The following WWOX variants were observed in gnomAD, a reference collection of about 807,000 sequenced individuals.
WWOX encodes the protein WW domain containing oxidoreductase, also known as WW domain-containing oxidoreductase.
Under a neutral mutation model 46.2 loss-of-function variants are expected in WWOX, and 69 were observed. That is an observed-to-expected ratio of 1.49 (90% CI 1.23 to 1.82). The LOEUF is 1.82. Ranked by LOEUF, WWOX falls within the 40% of genes most tolerant of loss-of-function variation. The probability of loss-of-function intolerance (pLI) is 0.00; values close to 1 mark genes in which losing one functional copy is unlikely to be tolerated. For missense variants in WWOX, 919 were observed against 542.6 expected (o/e 1.69, Z -6.89); for synonymous variants, 359 against 202.6 (o/e 1.77, Z -6.56).
intron 8 of WWOX, among the ~76,000 whole-genome samples, chr16:78,637,675 G>GA (rs2046607261): frequency 1.3e-5 from 2 of 152,216 alleles, no homozygotes. Context: ...GCTCCTTGAT[G>GA]AAGGGCTCAG....
At chr16:78,261,025 A>G (rs2079219509) in intron 5 of WWOX, among the ~76,000 whole-genome samples, 1 of 151,368 alleles carries the variant, frequency 6.6e-6, no homozygotes, top group African/African-American at 2.4e-5. Context: ...TTGATTCATA[A>G]ATATTTGGTT....
Position 78,104,231 on chromosome 16 carries a change from A to AACACACACACACACACACACAC in WWOX, c.108-4173_108-4152dup, listed in dbSNP as rs376622174. ...CCCTGCTAACTTACACTGTGCTCAAAACACACACACACACACACACACACA... is the reference window on the plus strand; with the variant it reads ...CCCTGCTAACTTACACTGTGCTCAAAACACACACACACACACACACACACACACACACACACACACACACACA... On this transcript the variant is annotated intron_variant, in intron 1 of 8. Coordinates refer to ENST00000566780, the MANE Select transcript of WWOX (RefSeq NM_016373.4). 8.9e-4 allele frequency among the ~76,000 whole-genome samples: 116 copies of AACACACACACACACACACACAC among 130,216 alleles called. 1 individual carries two copies. The highest frequency in any genetic ancestry group is 2.6e-3 in the African/African-American group (89 of 34,060). 85.4% of individuals were successfully genotyped at this position (130,216 alleles called of 152,430 possible).
intron 5 of WWOX, among the ~76,000 whole-genome samples, chr16:78,313,995 G>C (rs1032314150): frequency 1.3e-5 from 2 of 152,246 alleles, no homozygotes; most frequent in Admixed American, 1.3e-4. Flanking sequence ...TGGCTGTTCC[G>C]CTTTCTAACA....
intron 8 of WWOX, among the ~76,000 whole-genome samples, chr16:78,561,664 A>G (rs1490142328): frequency 6.6e-6 from 1 of 152,140 alleles, no homozygotes; most frequent in Admixed American, 6.5e-5. Flanking sequence ...AATATAAAAG[A>G]AAGGGGGTAA....
intron 8 of WWOX, chr16:78,996,321 C>A: frequency 1.0e-6 from 1 of 983,614 alleles, no homozygotes. Flanking sequence ...GTTTTTCTAC[C>A]GTGACAGAAG....
chr16:78,926,298 A>G (rs2045496028), intron 8 of WWOX, among the ~76,000 whole-genome samples: 2 of 151,898 alleles, frequency 1.3e-5, no homozygotes, highest in South Asian at 4.2e-4. Flanking sequence ...TCCTGAGCCC[A>G]GGAGGTGGAG....
chr16:78,705,442 C>T (rs1409919656), intron 8 of WWOX, among the ~76,000 whole-genome samples: 4 of 152,134 alleles, frequency 2.6e-5, no homozygotes, highest in Non-Finnish European at 5.9e-5. Context: ...GCGTTGTGTT[C>T]CCAAGTGGAG....
chr16:78,649,583 C>T (rs1390827322), intron 8 of WWOX, among the ~76,000 whole-genome samples: 1 of 152,198 alleles, frequency 6.6e-6, no homozygotes, highest in Non-Finnish European at 1.5e-5. Flanking sequence ...GGCTCTTCCC[C>T]CGTTTGTTAA....
intron 8 of WWOX, among the ~76,000 whole-genome samples, chr16:78,815,596 C>T (rs1316996321): frequency 2.0e-5 from 3 of 152,202 alleles, no homozygotes; most frequent in Admixed American, 2.0e-4. Flanking sequence ...CCAAAACACA[C>T]ATTTATGGGG....
intron 8 of WWOX, among the ~76,000 whole-genome samples, chr16:78,753,318 CA>C (rs1186939301): frequency 6.9e-6 from 1 of 144,456 alleles, no homozygotes; most frequent in East Asian, 2.0e-4. Flanking sequence ...GACTCCGTCT[CA>C]AAAAAAAAGA....
At chr16:78,721,049 A>C (rs1010396504) in intron 8 of WWOX, among the ~76,000 whole-genome samples, 1 of 152,084 alleles carries the variant, frequency 6.6e-6, no homozygotes, top group African/African-American at 2.4e-5. Flanking sequence ...TTAGTCTATA[A>C]GATTGAGGTC....
At chr16:78,166,254 C>T (rs1350849475) in intron 5 of WWOX, among the ~76,000 whole-genome samples, 2 of 151,756 alleles carry the variant, frequency 1.3e-5, no homozygotes, top group Non-Finnish European at 2.9e-5. Context: ...TATAATATTC[C>T]ATCATGTGCT....
chr16:78,680,966 A>G (rs1444002616), intron 8 of WWOX, among the ~76,000 whole-genome samples: 1 of 152,044 alleles, frequency 6.6e-6, no homozygotes, highest in Non-Finnish European at 1.5e-5. Context: ...AAAAAAATTT[A>G]GGCCATACTT....
rs183901852 is a variant in WWOX, at chr16:78,414,085, C to T, written c.606-10785C>T. Among the ~76,000 whole-genome samples the T allele has an allele frequency of 9.3e-3, 1,409 of 152,102 alleles. 12 individuals carry two copies. The highest frequency in any genetic ancestry group is 0.015 in the South Asian group (70 of 4,808). ...GATCAGTTGACCTTGTGACATTCCTCTTCCTGAGGCAGTGAGTCTCAGGAG... is the reference window on the plus strand; with the variant it reads ...GATCAGTTGACCTTGTGACATTCCTTTTCCTGAGGCAGTGAGTCTCAGGAG... On this transcript the variant is annotated intron_variant, in intron 6 of 8. Coordinates refer to ENST00000566780, the MANE Select transcript of WWOX (RefSeq NM_016373.4).
At chr16:78,570,411 C>T (rs117298751) in intron 8 of WWOX, among the ~76,000 whole-genome samples, 4 of 152,148 alleles carry the variant, frequency 2.6e-5, no homozygotes, top group African/African-American at 4.8e-5. Flanking sequence ...TGGGCTGAAG[C>T]GATCCTCATG....
intron 8 of WWOX, among the ~76,000 whole-genome samples, chr16:78,512,055 C>T (rs916279335): frequency 9.2e-5 from 14 of 152,194 alleles, no homozygotes; most frequent in Non-Finnish European, 1.9e-4. Flanking sequence ...TGGCTTCAAA[C>T]ACAAGTTATT....
At chr16:78,377,957 C>G (rs1427150450) in intron 5 of WWOX, among the ~76,000 whole-genome samples, 1 of 152,066 alleles carries the variant, frequency 6.6e-6, no homozygotes, top group South Asian at 2.1e-4. Context: ...GAGTTGTCAT[C>G]ATTTTCTTAT....
chr16:78,864,560 C>T (rs956887994), intron 8 of WWOX, among the ~76,000 whole-genome samples: 5 of 152,062 alleles, frequency 3.3e-5, no homozygotes, highest in Admixed American at 2.0e-4. Flanking sequence ...TGAGCCACTG[C>T]ACCCAGCCCT....
At chr16:78,462,848 C>G (rs554130479) in intron 8 of WWOX, among the ~76,000 whole-genome samples, 1 of 152,308 alleles carries the variant, frequency 6.6e-6, no homozygotes, top group Admixed American at 6.5e-5. Context: ...TAGACAACAT[C>G]TAAATTTTTG....
Sources: gnomAD v4.1 joint callset for allele counts (sites outside exome capture counted in the v4.1 genomes callset) on GRCh38, gnomAD v4.1.1 for gene constraint, MANE v1.5 for transcripts, NCBI Gene and HGNC (gene_info 2026-07-23, HGNC 2026-07-21) for gene names.